TTBK1: variants seen among roughly 807,000 people sequenced by gnomAD.
TTBK1 encodes tau tubulin kinase 1.
A neutral mutation model predicts 108.5 loss-of-function variants in TTBK1; 34 were observed. That is an observed-to-expected ratio of 0.31 (90% CI 0.24 to 0.42). The LOEUF (loss-of-function observed/expected upper bound fraction) is 0.42. Ranked by LOEUF, TTBK1 falls within the 10% of genes least tolerant of loss-of-function variation. The pLI, the probability that TTBK1 is intolerant of heterozygous loss-of-function variation, is 1.00. For missense variants in TTBK1, 1,539 were observed against 1,826.0 expected (o/e 0.84, Z 2.86); for synonymous variants, 809 against 795.1 (o/e 1.02, Z -0.29).
Position 43,283,314 on chromosome 6 carries a change from C to A in TTBK1, c.2574C>A (p.Asp858Glu). ...CTGCCGAACTGGCCCCCGACCCCGA[C>A]CTGGGCACCCTGGCTGCCCTCACTC... ...PVTAELAPDP[D>E]LGTLAALTPQ... is the part of the protein sequence containing the mutation. Residue 858 changes from aspartate to glutamate, a missense_variant, in exon 14 of 15, where the codon GAC becomes GAA. This residue lies in a region of TTBK1 where 1,055 missense variants were observed against 1,086.5 expected (regional missense o/e 0.97). Coordinates refer to ENST00000259750, the MANE Select transcript of TTBK1 (RefSeq NM_032538.3). This position sits in a 1 kb window ranked among gnomAD's most constrained non-coding sequence, Gnocchi z 8.1. 6.3e-7 allele frequency: 1 copy of A among 1,582,472 alleles called. No individual in the cohort carries two copies. Among genetic ancestry groups the A allele is most frequent in the Non-Finnish European group, 8.6e-7 (1 of 1,164,300 alleles).
At chr6:43,254,815 G>T (rs146255790) in intron 6 of TTBK1, among the ~76,000 whole-genome samples, 164 bp downstream of exon 6, 1 of 152,020 alleles carries the variant, frequency 6.6e-6, no homozygotes, top group African/African-American at 2.4e-5. Context: ...GTCCCCTCTC[G>T]CCGTTAGCCT....
chr6:43,270,653 AC>A (rs1179224087), intron 13 of TTBK1: 12 of 985,114 alleles, frequency 1.2e-5, no homozygotes, highest in Non-Finnish European at 1.1e-5. Flanking sequence ...CTCCCCCAAG[AC>A]ACCTGTGCCA....
At chr6:43,277,276 G>A (rs982481453) in intron 13 of TTBK1, among the ~76,000 whole-genome samples, 1 of 152,094 alleles carries the variant, frequency 6.6e-6, no homozygotes, top group Non-Finnish European at 1.5e-5. Flanking sequence ...TGAGAACCTG[G>A]GGTTGGGGGT....
chr6:43,251,702 G>T (rs1358396997), intron 2 of TTBK1, among the ~76,000 whole-genome samples: 1 of 152,176 alleles, frequency 6.6e-6, no homozygotes, highest in African/African-American at 2.4e-5. Flanking sequence ...AGGCTGGAGG[G>T]GGGAGACGAG....
Position 43,259,028 on chromosome 6 carries a change from C to A in TTBK1, c.1017-10C>A. ...CAGCCTTGCCCATGGCTCCCTCCTGCCCTCTCCAGGGTGGTCAATGTGACG... is the reference window on the plus strand; with the variant it reads ...CAGCCTTGCCCATGGCTCCCTCCTGACCTCTCCAGGGTGGTCAATGTGACG... On this transcript the variant is annotated splice_polypyrimidine_tract_variant and intron_variant, in intron 10 of 14. Coordinates refer to ENST00000259750, the MANE Select transcript of TTBK1 (RefSeq NM_032538.3). The surrounding 1 kb of genome is among the most constrained non-coding windows in gnomAD (Gnocchi z 6.7). The A allele has an allele frequency of 6.2e-7, 1 of 1,604,644 alleles. No individual in the cohort carries two copies. Among genetic ancestry groups the A allele is most frequent in the Non-Finnish European group, 8.5e-7 (1 of 1,174,532 alleles).
chr6:43,261,342 G>C (rs1249089947), intron 12 of TTBK1, among the ~76,000 whole-genome samples: 1 of 152,096 alleles, frequency 6.6e-6, no homozygotes, highest in Non-Finnish European at 1.5e-5. Context: ...ACCCCAGATA[G>C]GTTAGGCCTC....
intron 13 of TTBK1, among the ~76,000 whole-genome samples, chr6:43,268,682 A>G (rs981617137): frequency 2.0e-5 from 3 of 152,174 alleles, no homozygotes; most frequent in African/African-American, 7.2e-5. Context: ...CTCGGAGGGC[A>G]TGGGGGCACA....
Position 43,253,382 on chromosome 6 carries a change from A to T in TTBK1, c.330+18A>T. On this transcript the variant is annotated intron_variant, in intron 4 of 14. Coordinates refer to ENST00000259750, the MANE Select transcript of TTBK1 (RefSeq NM_032538.3). The surrounding 1 kb of genome is among the most constrained non-coding windows in gnomAD (Gnocchi z 5.8). ...AGCTCCAGGTGAGTCCCCGTGGCCC[A>T]TCCTCGCTCCCCTCTCTAAGAGCTT... 6.2e-7 allele frequency: 1 copy of T among 1,613,642 alleles called. No individual in the cohort carries two copies. The highest frequency in any genetic ancestry group is 8.5e-7 in the Non-Finnish European group (1 of 1,179,714).
At chr6:43,252,643 C>A (rs888503064) in intron 2 of TTBK1, 96 bp from the exon 3 acceptor site, 3 of 1,430,282 alleles carry the variant, frequency 2.1e-6, no homozygotes, top group Non-Finnish European at 2.8e-6. Context: ...AAGATACCCC[C>A]CTTCCCCACC....
intron 13 of TTBK1, among the ~76,000 whole-genome samples, chr6:43,278,055 G>A (rs1017305960): frequency 6.6e-6 from 1 of 152,176 alleles, no homozygotes; most frequent in Admixed American, 6.5e-5. Flanking sequence ...GTGGGCCGGG[G>A]TGCAGTGCCT....
chr6:43,272,395 A>G lies in TTBK1; in HGVS notation c.1986+9045A>G, dbSNP rs1352216844. ...GGCTTCAGCCTCATTTCAGCATTAC[A>G]TACATATTACTGTTTCCAACGCCTT... is the stretch of plus-strand genomic sequence containing the variant. On this transcript the variant is annotated intron_variant, in intron 13 of 14. Transcript: ENST00000259750. 13 of 985,348 alleles carry G rather than the reference A, an allele frequency of 1.3e-5. No individual in the cohort carries two copies. The East Asian group carries it at 9.1e-4, about 69-fold the overall frequency. The allele number at this position is 985,348 out of a possible 1,614,324, so 61.0% of individuals were successfully genotyped here. A position where few individuals can be genotyped will look rare whatever the true frequency, so the allele number is the denominator to read the frequency against.
rs1486326650 is a variant in TTBK1 at position 43,255,734 on chromosome 6, C to A, written c.739C>A (p.Gln247Lys). Residue 247 changes from glutamine to lysine, a missense_variant, in exon 9 of 15, where the codon CAG becomes AAG. Around this residue, in one of 5 missense-constraint regions of TTBK1, gnomAD observed 155 missense variants for 348.5 expected, o/e 0.44. Transcript: ENST00000259750. ...CCCTGTGGCCTCTTGCCTCCAGGAA[C>A]AGGTAGGGATGATCAAGGAGAAGTA... ...LPWRKIKDKE[Q>K]VGMIKEKYEH... The A allele has an allele frequency of 6.2e-7, 1 of 1,614,132 alleles. No homozygotes were observed. The highest frequency in any genetic ancestry group is 1.1e-5 in the South Asian group (1 of 91,080).
At position 43,265,812 on chromosome 6, in the gene TTBK1, G is replaced by A. The variant is rs974943546; in HGVS notation, c.1986+2462G>A. On this transcript the variant is annotated intron_variant, in intron 13 of 14. Transcript: ENST00000259750. The surrounding 1 kb of genome is among the most constrained non-coding windows in gnomAD (Gnocchi z 4.1). ...ACTGAGGTCTGGACCTGGCTCTGCCGTTCCCTTCCCAGTGACTGAGGGCCA... is the reference window on the plus strand; with the variant it reads ...ACTGAGGTCTGGACCTGGCTCTGCCATTCCCTTCCCAGTGACTGAGGGCCA... Among the ~76,000 whole-genome samples, 2 of 152,158 alleles carry A rather than the reference G, an allele frequency of 1.3e-5. No homozygotes were observed. The highest frequency in any genetic ancestry group is 2.9e-5 in the Non-Finnish European group (2 of 68,028).
intron 2 of TTBK1, 116 bp from the exon 3 acceptor site, chr6:43,252,621 CAA>C (rs35235406): frequency 2.6e-3 from 2,567 of 998,100 alleles, no homozygotes; most frequent in South Asian, 3.7e-3. Flanking sequence ...GACTCCATCT[CAA>C]AAAAAAAAAA....
In TTBK1 at chr6:43,285,890, T is replaced by TCCCCGCGAGGGTCCAGCCC. The variant is rs1164554137; in HGVS notation, c.*516_*534dup. On this transcript the variant is annotated 3_prime_UTR_variant, in exon 15 of 15. Coordinates refer to ENST00000259750, the MANE Select transcript of TTBK1 (RefSeq NM_032538.3). The surrounding 1 kb of genome is among the most constrained non-coding windows in gnomAD (Gnocchi z 4.7). Reference sequence around the variant, plus strand: ...AATTCCAGAAGTGGAGGCTCCAGCCTCCCCGCGAGGGTCCAGCCCCACAGT... The same window carrying TCCCCGCGAGGGTCCAGCCC: ...AATTCCAGAAGTGGAGGCTCCAGCCTCCCCGCGAGGGTCCAGCCCCCCCGCGAGGGTCCAGCCCCACAGT... The TCCCCGCGAGGGTCCAGCCC allele has an allele frequency of 6.6e-6, 1 of 152,370 alleles. No homozygotes were observed. Among genetic ancestry groups the TCCCCGCGAGGGTCCAGCCC allele is most frequent in the African/African-American group, 2.4e-5 (1 of 41,324 alleles). The allele number at this position is 152,370 out of a possible 1,614,324, so 9.4% of individuals were successfully genotyped here. A position where few individuals can be genotyped will look rare whatever the true frequency, so the allele number is the denominator to read the frequency against.
Position 43,255,533 on chromosome 6 carries a change from T to G in TTBK1, c.643-19T>G. 6.3e-7 allele frequency: 1 copy of G among 1,579,590 alleles called. No individual in the cohort carries two copies. Among genetic ancestry groups the G allele is most frequent in the Non-Finnish European group, 8.6e-7 (1 of 1,162,376 alleles). On this transcript the variant is annotated intron_variant, in intron 7 of 14. Coordinates refer to ENST00000259750, the MANE Select transcript of TTBK1 (RefSeq NM_032538.3). Reference sequence around the variant, plus strand: ...GAAGGACCTGAGAGCTGCAGGTGACTCCCTCCCCCCACCTCCAGGAGATGG... The same window carrying G: ...GAAGGACCTGAGAGCTGCAGGTGACGCCCTCCCCCCACCTCCAGGAGATGG...
intron 9 of TTBK1, among the ~76,000 whole-genome samples, chr6:43,256,555 A>G (rs1413099043): frequency 2.6e-5 from 4 of 151,544 alleles, no homozygotes; most frequent in Non-Finnish European, 5.9e-5. Flanking sequence ...CCTGGCCAGC[A>G]TGGTGAAACC....
chr6:43,281,577 G>A (rs185171895), intron 13 of TTBK1, among the ~76,000 whole-genome samples: 1 of 152,230 alleles, frequency 6.6e-6, no homozygotes, highest in Non-Finnish European at 1.5e-5. Context: ...GTGCTCGTGG[G>A]CCTGGGGTAG....
chr6:43,254,609 G>T lies in TTBK1; in HGVS notation c.534G>T (p.Gly178=). 6.3e-7 allele frequency: 1 copy of T among 1,590,402 alleles called. No individual in the cohort carries two copies. Among genetic ancestry groups the T allele is most frequent in the South Asian group, 1.1e-5 (1 of 87,186 alleles). The part of the protein sequence containing the change: ...TYRKCYMLDF[G]LARQYTNTTG... The stretch of plus-strand genomic sequence containing the variant: ...GGAAGTGCTATATGCTGGACTTCGG[G>T]CTGGCCCGGCAGTACACCAACACCA... Residue 178 remains glycine (G), a synonymous_variant, in exon 6 of 15, where the codon GGG becomes GGT. Transcript: ENST00000259750.
Sources: allele counts gnomAD v4.1 joint callset (sites outside exome capture counted in the v4.1 genomes callset), GRCh38; gene constraint gnomAD v4.1.1; regional missense constraint gnomAD v4.1.1; non-coding constraint Gnocchi (gnomAD v3.1); transcripts MANE v1.5; gene names NCBI Gene and HGNC (gene_info 2026-07-23, HGNC 2026-07-21).